The following GUCY1A2 variants were observed in gnomAD, a reference collection of about 807,000 sequenced individuals.
GUCY1A2 encodes the protein guanylate cyclase 1 soluble subunit alpha 2, also known as guanylate cyclase soluble subunit alpha-2.
A neutral mutation model predicts 63.5 loss-of-function variants in GUCY1A2; 27 were observed. That is an observed-to-expected ratio of 0.43 (90% CI 0.31 to 0.59). GUCY1A2 has a LOEUF of 0.59. Among genes scored for constraint, GUCY1A2 ranks in the 20% least tolerant of loss-of-function variants. The pLI, the probability that GUCY1A2 is intolerant of heterozygous loss-of-function variation, is 0.11. For synonymous variants in GUCY1A2, 364 were observed against 343.5 expected, an observed-to-expected ratio of 1.06 and a Z score of -0.66; for missense variants, 768 against 913.3, an observed-to-expected ratio of 0.84 and a Z score of 2.05.
intron 6 of GUCY1A2, among the ~76,000 whole-genome samples, chr11:106,733,875 A>T (rs1863544984): frequency 1.3e-5 from 2 of 152,116 alleles, no homozygotes; most frequent in Non-Finnish European, 1.5e-5. Context: ...AAATATTATC[A>T]GTCCTCTCTT....
intron 1 of GUCY1A2, among the ~76,000 whole-genome samples, chr11:107,009,003 A>T (rs1001704211): frequency 6.6e-6 from 1 of 152,230 alleles, no homozygotes; most frequent in African/African-American, 2.4e-5. Flanking sequence ...ATGGACTTAC[A>T]ATTAAGGTAA....
intron 6 of GUCY1A2, among the ~76,000 whole-genome samples, chr11:106,715,918 A>G (rs1402464641): frequency 2.0e-5 from 3 of 152,216 alleles, no homozygotes; most frequent in African/African-American, 7.2e-5. Flanking sequence ...TTAAAGTATA[A>G]AAGAGGGCAG....
At chr11:106,743,392 GATA>G (rs1359606716) in intron 6 of GUCY1A2, among the ~76,000 whole-genome samples, 1 of 152,174 alleles carries the variant, frequency 6.6e-6, no homozygotes, top group African/African-American at 2.4e-5. Flanking sequence ...TTACAGTGGT[GATA>G]ATGATGAGAA....
intron 6 of GUCY1A2, among the ~76,000 whole-genome samples, chr11:106,751,475 A>G (rs993571653): frequency 1.3e-5 from 2 of 150,842 alleles, no homozygotes; most frequent in African/African-American, 2.4e-5. Context: ...TCCCTTAGGG[A>G]TTCCCTTCAT....
intron 6 of GUCY1A2, among the ~76,000 whole-genome samples, chr11:106,749,458 C>T (rs1313726177): frequency 6.6e-6 from 1 of 152,058 alleles, no homozygotes; most frequent in East Asian, 1.9e-4. Flanking sequence ...CCTCTGCACC[C>T]ACCTCTGAGT....
intron 4 of GUCY1A2, among the ~76,000 whole-genome samples, chr11:106,898,788 T>C (rs768648344): frequency 4.6e-5 from 7 of 152,184 alleles, no homozygotes; most frequent in Non-Finnish European, 8.8e-5. Flanking sequence ...CATGTCATTA[T>C]ACATTTATCC....
chr11:106,696,191 C>A (rs1358096432), intron 7 of GUCY1A2, among the ~76,000 whole-genome samples: 2 of 152,174 alleles, frequency 1.3e-5, no homozygotes, highest in African/African-American at 2.4e-5. Flanking sequence ...ACCCCATTGA[C>A]TTCTCTGGAC....
intron 1 of GUCY1A2, among the ~76,000 whole-genome samples, chr11:107,011,970 GAAAT>G (rs1861752341): frequency 6.6e-6 from 1 of 152,042 alleles, no homozygotes; most frequent in South Asian, 2.1e-4. Context: ...TTAGGCAACT[GAAAT>G]AAATAACTTC....
intron 1 of GUCY1A2, among the ~76,000 whole-genome samples, chr11:106,993,285 A>G (rs1861494086): frequency 6.6e-6 from 1 of 152,214 alleles, no homozygotes; most frequent in African/African-American, 2.4e-5. Flanking sequence ...CCCTATGTCA[A>G]ATTCCACAAC....
At chr11:106,856,408 G>T (rs1248642041) in intron 4 of GUCY1A2, among the ~76,000 whole-genome samples, 1 of 151,892 alleles carries the variant, frequency 6.6e-6, no homozygotes, top group Non-Finnish European at 1.5e-5. Flanking sequence ...GAACCACAGA[G>T]AATAAAAAAG....
At chr11:106,791,603 G>A (rs1054934248) in intron 5 of GUCY1A2, among the ~76,000 whole-genome samples, 53 of 152,104 alleles carry the variant, frequency 3.5e-4, no homozygotes, top group African/African-American at 1.2e-3. Flanking sequence ...TTTTTTAAAG[G>A]AGACCATCTT....
At chr11:106,908,317 T>C (rs1860241718) in intron 4 of GUCY1A2, among the ~76,000 whole-genome samples, 1 of 152,026 alleles carries the variant, frequency 6.6e-6, no homozygotes, top group African/African-American at 2.4e-5. Flanking sequence ...ATCAAAATTC[T>C]AGTTGAATAT....
At chr11:106,900,082 T>C (rs1322520836) in intron 4 of GUCY1A2, among the ~76,000 whole-genome samples, 2 of 126,812 alleles carry the variant, frequency 1.6e-5, no homozygotes, top group Non-Finnish European at 3.3e-5. Flanking sequence ...CGAGACTCCG[T>C]CTCAAAAAAA....
At chr11:106,704,517 AG>A (rs1467160932) in intron 7 of GUCY1A2, among the ~76,000 whole-genome samples, 1 of 152,208 alleles carries the variant, frequency 6.6e-6, no homozygotes, top group Admixed American at 6.5e-5. Flanking sequence ...TGAGCTGTTC[AG>A]GTAGCAGTGG....
At chr11:106,951,498 T>C (rs1020656639) in intron 3 of GUCY1A2, among the ~76,000 whole-genome samples, 4 of 152,202 alleles carry the variant, frequency 2.6e-5, no homozygotes, top group African/African-American at 4.8e-5. Flanking sequence ...ATCAGTGATG[T>C]TGAGCTTTTT....
rs574317746 is a variant in GUCY1A2, at chr11:106,727,007, C to T, written c.1837-18341G>A. Among the ~76,000 whole-genome samples, 11 of 152,204 alleles carry T rather than the reference C, an allele frequency of 7.2e-5. No homozygotes were observed. The East Asian group carries it at 9.6e-4, about 13-fold the overall frequency. On this transcript the variant is annotated intron_variant, in intron 6 of 7. Coordinates refer to ENST00000526355, the MANE Select transcript of GUCY1A2 (RefSeq NM_000855.3). ...AAAAGATTCGTAATCGGGGTAAAACCGAGGACCTGAAGCCAAGTGAAGAGT... is the reference window on the plus strand; with the variant it reads ...AAAAGATTCGTAATCGGGGTAAAACTGAGGACCTGAAGCCAAGTGAAGAGT...
chr11:106,866,679 C>T (rs1231513311), intron 4 of GUCY1A2, among the ~76,000 whole-genome samples: 1 of 151,948 alleles, frequency 6.6e-6, no homozygotes, highest in Non-Finnish European at 1.5e-5. Context: ...TTCAATAGCT[C>T]CTCATCTTTG....
intron 1 of GUCY1A2, among the ~76,000 whole-genome samples, chr11:106,999,952 T>A (rs968653280): frequency 3.3e-5 from 5 of 152,304 alleles, no homozygotes; most frequent in Non-Finnish European, 2.9e-5. Flanking sequence ...CATTTTTCCC[T>A]CACCCGCAAC....
chr11:106,948,842 A>T (rs142667555), intron 3 of GUCY1A2, among the ~76,000 whole-genome samples: 132 of 152,322 alleles, frequency 8.7e-4, no homozygotes, highest in Middle Eastern at 3.4e-3. Context: ...TCTGGAAAAC[A>T]ATAAAATTAA....
Sources: allele counts gnomAD v4.1 joint callset (sites outside exome capture counted in the v4.1 genomes callset), GRCh38; gene constraint gnomAD v4.1.1; transcripts MANE v1.5; gene names NCBI Gene and HGNC (gene_info 2026-07-23, HGNC 2026-07-21).